The following CDH23 variants were observed in gnomAD, a reference collection of about 807,000 sequenced individuals.
The protein encoded by CDH23 is cadherin related 23.
CDH23 carries 189 observed loss-of-function variants against 317.1 expected under a neutral mutation model. The observed-to-expected ratio is 0.60, with a 90% CI of 0.53 to 0.67. The LOEUF is 0.67. Among genes scored for constraint, CDH23 ranks in the 30% least tolerant of loss-of-function variants. The pLI, the probability that CDH23 is intolerant of heterozygous loss-of-function variation, is 0.00. For synonymous variants in CDH23, 1,839 were observed against 1,876.8 expected (o/e 0.98, Z 0.52); for missense variants, 4,401 against 4,592.4 (o/e 0.96, Z 1.20).
At chr10:71,754,708 G>T (rs983458452) in intron 38 of CDH23, among the ~76,000 whole-genome samples, 33 of 152,172 alleles carry the variant, frequency 2.2e-4, no homozygotes, top group African/African-American at 8.0e-4. Context: ...AGTAAAATGG[G>T]GACAATGGTA....
chr10:71,687,937 G>C (rs1864975602), intron 19 of CDH23, among the ~76,000 whole-genome samples: 1 of 152,230 alleles, frequency 6.6e-6, no homozygotes, highest in Non-Finnish European at 1.5e-5. Context: ...ATGTGCAGGT[G>C]CTGTGCTGGG....
intron 9 of CDH23, among the ~76,000 whole-genome samples, chr10:71,582,829 C>T (rs764068034): frequency 4.6e-5 from 7 of 152,310 alleles, no homozygotes; most frequent in Middle Eastern, 3.4e-3. Context: ...GCACCATCTT[C>T]GCCCTGGGAA....
At chr10:71,773,779 T>G (rs1840749216) in intron 38 of CDH23, among the ~76,000 whole-genome samples, 1 of 152,134 alleles carries the variant, frequency 6.6e-6, no homozygotes, top group Non-Finnish European at 1.5e-5. Context: ...CTGCGCAGCC[T>G]AAGAAGTAGA....
intron 3 of CDH23, among the ~76,000 whole-genome samples, chr10:71,461,664 C>T (rs1011192514): frequency 1.3e-5 from 2 of 152,262 alleles, no homozygotes; most frequent in African/African-American, 4.8e-5. Flanking sequence ...GCCACCGCGA[C>T]TTGGGCTGAG....
At chr10:71,775,571 C>G (rs1840798727) in intron 38 of CDH23, among the ~76,000 whole-genome samples, 1 of 152,166 alleles carries the variant, frequency 6.6e-6, no homozygotes, top group Non-Finnish European at 1.5e-5. Flanking sequence ...TTCCTCAACA[C>G]CAGGGCAGGA....
In CDH23 at chr10:71,674,496, C is replaced by A. The variant is rs547233304; in HGVS notation, c.1450-616C>A. Among the ~76,000 whole-genome samples the A allele has an allele frequency of 2.0e-5, 3 of 152,340 alleles. No homozygotes were observed. The East Asian group carries it at 5.8e-4, about 29-fold the overall frequency. On this transcript the variant is annotated intron_variant, in intron 14 of 69. Transcript: ENST00000224721. ...TGGTGGCAGGCAGCAGTTTGCCCAG[C>A]TCTGGGGCAGTGGTCTGGGAAGAGA...
intron 6 of CDH23, among the ~76,000 whole-genome samples, chr10:71,564,348 T>C (rs1374001175): frequency 6.6e-6 from 1 of 152,216 alleles, no homozygotes; most frequent in Non-Finnish European, 1.5e-5. Context: ...ATGCAGGAAG[T>C]CAGCATTCTT....
intron 6 of CDH23, among the ~76,000 whole-genome samples, chr10:71,548,021 G>T (rs2132305559): frequency 6.6e-6 from 1 of 152,334 alleles, no homozygotes; most frequent in East Asian, 1.9e-4. Context: ...CAGCCTGCCT[G>T]GAGCCTGTCA....
chr10:71,712,184 T>C (rs116592620), intron 27 of CDH23: 1 of 157,220 alleles, frequency 6.4e-6, no homozygotes, highest in African/African-American at 2.4e-5. Flanking sequence ...TCCCTCTGCC[T>C]TTCTCTTGTA....
rs528791005 is a variant in CDH23 at position 71,777,177 on chromosome 10, AT to A, written c.4846-502del. ...TCCTCCTTCTGGAAATGCTGAAAAT[AT>A]GTATTTCTTTCATTTACATGAACAA... On this transcript the variant is annotated intron_variant, in intron 38 of 69. Coordinates refer to ENST00000224721, the MANE Select transcript of CDH23 (RefSeq NM_022124.6). Among the ~76,000 whole-genome samples the A allele has an allele frequency of 2.9e-3, 448 of 152,358 alleles. 5 individuals are homozygous for A. Among genetic ancestry groups the A allele is most frequent in the Middle Eastern group, 6.8e-3 (2 of 294 alleles).
intron 38 of CDH23, among the ~76,000 whole-genome samples, chr10:71,765,196 G>A (rs1251157158): frequency 6.6e-6 from 1 of 152,220 alleles, no homozygotes; most frequent in African/African-American, 2.4e-5. Flanking sequence ...CCCAGCTTCT[G>A]CCCCTTTCTC....
intron 14 of CDH23, among the ~76,000 whole-genome samples, chr10:71,668,760 G>T (rs1864018274): frequency 6.6e-6 from 1 of 152,156 alleles, no homozygotes; most frequent in South Asian, 2.1e-4. Context: ...TGCTGACTCA[G>T]GCCTCACCAG....
Position 71,439,784 on chromosome 10 carries a change from C to T in CDH23, c.-5-43C>T, listed in dbSNP as rs374952772. On this transcript the variant is annotated intron_variant, in intron 1 of 69. Transcript: ENST00000224721. ...GGGCTGAGGAGCAGACCCTCTGCCA[C>T]CCAGGAAGCTTCTCACCCTCTTCTC... 2.1e-4 allele frequency: 304 copies of T among 1,464,984 alleles called. 1 individual carries two copies. Among genetic ancestry groups the T allele is most frequent in the Non-Finnish European group, 2.6e-4 (279 of 1,070,202 alleles). 90.7% of individuals were successfully genotyped at this position (1,464,984 alleles called of 1,614,324 possible). A position where few individuals can be genotyped will look rare whatever the true frequency, so the allele number is the denominator to read the frequency against.
At chr10:71,775,408 G>C (rs981443593) in intron 38 of CDH23, among the ~76,000 whole-genome samples, 22 of 152,156 alleles carry the variant, frequency 1.4e-4, no homozygotes, top group Admixed American at 6.5e-5. Flanking sequence ...CCTTCCCCAG[G>C]GGGATAGAGC....
chr10:71,630,992 C>G (rs1861987136), intron 11 of CDH23, among the ~76,000 whole-genome samples: 1 of 152,164 alleles, frequency 6.6e-6, no homozygotes. Flanking sequence ...ACCTGTAATC[C>G]CAGCACTTTG....
chr10:71,520,850 A>G (rs10999861), intron 6 of CDH23, among the ~76,000 whole-genome samples: 64,698 of 152,082 alleles, frequency 0.43, 14,973 homozygotes, highest in East Asian at 0.54. Flanking sequence ...CCCCTGTGAC[A>G]TGGAGGCCCA....
rs1411995101 is a variant in CDH23 at position 71,793,237 on chromosome 10, G to A, written c.6309G>A (p.Glu2103=). Residue 2103 remains glutamate, a synonymous_variant, in exon 48 of 70, where the codon GAG becomes GAA. Coordinates refer to ENST00000224721, the MANE Select transcript of CDH23 (RefSeq NM_022124.6). ...ATGAGGACAGTGGCCTCAATGGGGAGCTGGTCTACCGAATAGAAGCTGGGG... is the reference window on the plus strand; with the variant it reads ...ATGAGGACAGTGGCCTCAATGGGGAACTGGTCTACCGAATAGAAGCTGGGG... ...ATDEDSGLNG[E]LVYRIEAGAQ... is the part of the protein sequence containing the mutation. 3.7e-6 allele frequency: 6 copies of A among 1,613,758 alleles called. No homozygotes were observed. Among genetic ancestry groups the A allele is most frequent in the Non-Finnish European group, 5.1e-6 (6 of 1,179,874 alleles).
At position 71,805,917 on chromosome 10, in the gene CDH23, G is replaced by C; in HGVS notation, c.7984G>C (p.Glu2662Gln). ...GAAGACTGCGGGCAACCGGGACTGG[G>C]AGTTCTTCATCATCGACCCAATCAG... The part of the protein sequence containing the change: ...FLKTAGNRDW[E>Q]FFIIDPISGL... Residue 2662 changes from glutamate (E) to glutamine (Q), a missense_variant, in exon 56 of 70, where the codon GAG (glutamate) becomes CAG (glutamine). Glu to Gln is a conservative substitution (Grantham distance 29, BLOSUM62 2). Transcript: ENST00000224721. The C allele has an allele frequency of 6.2e-7, 1 of 1,613,176 alleles. No homozygotes were observed. Among genetic ancestry groups the C allele is most frequent in the South Asian group, 1.1e-5 (1 of 90,972 alleles).
intron 3 of CDH23, among the ~76,000 whole-genome samples, chr10:71,448,258 G>T (rs572483237): frequency 1.3e-5 from 2 of 152,376 alleles, no homozygotes; most frequent in East Asian, 3.9e-4. Context: ...GGAAGCCCAT[G>T]TGGCCAGCCC....
Sources: gnomAD v4.1 joint callset for allele counts (sites outside exome capture counted in the v4.1 genomes callset) on GRCh38, gnomAD v4.1.1 for gene constraint, MANE v1.5 for transcripts, NCBI Gene and HGNC (gene_info 2026-07-23, HGNC 2026-07-21) for gene names.